Variants in ANKRD31 observed in about 807,000 individuals in gnomAD.
The protein encoded by ANKRD31 is ankyrin repeat domain-containing protein 31.
Under a neutral mutation model 186.0 loss-of-function variants are expected in ANKRD31, and 147 were observed. The observed-to-expected ratio is 0.79, with a 90% CI of 0.69 to 0.91. The LOEUF is 0.91. ANKRD31 is among the 40% of genes least tolerant of loss of function. The pLI is 0.00. For synonymous variants in ANKRD31, 673 were observed against 736.4 expected (o/e 0.91, Z 1.39); for missense variants, 1,986 against 2,148.8 (o/e 0.92, Z 1.50).
At position 75,104,239 on chromosome 5, in the gene ANKRD31, AT is replaced by A; in HGVS notation, c.5319del (p.Glu1773AspfsTer15). On this transcript the variant is annotated frameshift_variant, in exon 22 of 26. Coordinates refer to ENST00000506364, the MANE Select transcript of ANKRD31 (RefSeq NM_001372053.1). LOFTEE classifies it high-confidence loss of function. ...GRINPGNNIL[E>X]FKTQETTHKA... is the part of the protein sequence containing the mutation. ...AAAATATAGAATACCTGTGTTTTGA[AT>A]TCCAGAATGTTATTTCCTGGGTTAA... 4.0e-6 allele frequency: 6 copies of A among 1,501,816 alleles called. No individual in the cohort carries two copies. Among genetic ancestry groups the A allele is most frequent in the Non-Finnish European group, 5.3e-6 (6 of 1,130,732 alleles). The allele number at this position is 1,501,816 out of a possible 1,614,324, so 93.0% of individuals were successfully genotyped here.
At chr5:75,125,715 T>C (rs1453578175) in intron 17 of ANKRD31, among the ~76,000 whole-genome samples, 1 of 152,164 alleles carries the variant, frequency 6.6e-6, no homozygotes, top group Non-Finnish European at 1.5e-5. Flanking sequence ...ACTGGGACCC[T>C]GGATAGTGTT....
At chr5:75,082,453 G>A (rs2150015696) in intron 24 of ANKRD31, among the ~76,000 whole-genome samples, 1 of 152,308 alleles carries the variant, frequency 6.6e-6, no homozygotes, top group East Asian at 1.9e-4. Context: ...AAAAAGAGGG[G>A]ATGCTGTAGC....
chr5:75,121,180 T>TA (rs369698514), intron 17 of ANKRD31, among the ~76,000 whole-genome samples: 19,054 of 124,294 alleles, frequency 0.15, 1,460 homozygotes, highest in Non-Finnish European at 0.2. Context: ...AGACTCTATA[T>TA]AAAAAAAAAA....
intron 25 of ANKRD31, among the ~76,000 whole-genome samples, chr5:75,070,724 T>G (rs1185348464): frequency 6.6e-6 from 1 of 152,234 alleles, no homozygotes; most frequent in Non-Finnish European, 1.5e-5. Context: ...TCTTCCTGAT[T>G]AGTATTTAGC....
intron 25 of ANKRD31, among the ~76,000 whole-genome samples, chr5:75,079,617 G>A (rs1344963808): frequency 1.3e-5 from 2 of 152,094 alleles, no homozygotes; most frequent in East Asian, 3.9e-4. Flanking sequence ...TGGGATTACA[G>A]GCATCTGCCA....
chr5:75,224,455 G>A (rs2150312222), intron 2 of ANKRD31, among the ~76,000 whole-genome samples: 2 of 151,572 alleles, frequency 1.3e-5, no homozygotes, highest in African/African-American at 2.4e-5. Context: ...TAGTCTAATA[G>A]GTCAATGAAA....
In ANKRD31 at chr5:75,118,392, T is replaced by C. The variant is rs929269170; in HGVS notation, c.3877-95A>G. 7.7e-6 allele frequency: 9 copies of C among 1,163,612 alleles called. No homozygotes were observed. The African/African-American group carries it at 1.3e-4, about 17-fold the overall frequency. The allele number at this position is 1,163,612 out of a possible 1,614,324, so 72.1% of individuals were successfully genotyped here. On this transcript the variant is annotated intron_variant, in intron 17 of 25. Transcript: ENST00000506364. ...CACCACTGCCAAGCATTAAAAGCTA[T>C]CAAAAGAATGTTTTCAAACTCAGGT...
rs1429903141 is a variant in ANKRD31, at chr5:75,068,633, T to G, written c.5679A>C (p.Pro1893=). 1.6e-5 allele frequency: 25 copies of G among 1,520,940 alleles called. No individual in the cohort carries two copies. Among genetic ancestry groups the G allele is most frequent in the Admixed American group, 2.1e-5 (1 of 48,302 alleles). 94.2% of individuals were successfully genotyped at this position (1,520,940 alleles called of 1,614,324 possible). The change falls in exon 26 of 26, where the codon CCA becomes CCC. Residue 1893 remains proline (P), a synonymous_variant. Transcript: ENST00000506364. ...GTATTTCATTTATTTGTAGATAACG[T>G]GGGCTGCTTTGCATTGACTCTCTGG... ...GTSRESMQSS[P]RYLQINEILL...
At chr5:75,168,127 T>C (rs1481449080) in intron 11 of ANKRD31, among the ~76,000 whole-genome samples, 1 of 152,150 alleles carries the variant, frequency 6.6e-6, no homozygotes, top group Non-Finnish European at 1.5e-5. Flanking sequence ...AAAAACTGCC[T>C]AAACCCTTCT....
chr5:75,123,266 C>T (rs1748942100), intron 17 of ANKRD31, among the ~76,000 whole-genome samples: 1 of 151,480 alleles, frequency 6.6e-6, no homozygotes, highest in African/African-American at 2.4e-5. Flanking sequence ...AAGAAAAATA[C>T]AACACGGATG....
chr5:75,108,308 A>C (rs1197629811), intron 20 of ANKRD31, among the ~76,000 whole-genome samples: 1 of 152,012 alleles, frequency 6.6e-6, no homozygotes, highest in Non-Finnish European at 1.5e-5. Flanking sequence ...TCACCTATAG[A>C]TCTTACAAAC....
intron 10 of ANKRD31, among the ~76,000 whole-genome samples, chr5:75,179,108 C>A (rs987322423): frequency 1.2e-4 from 19 of 152,158 alleles, no homozygotes; most frequent in Admixed American, 4.6e-4. Context: ...ATAAACACCT[C>A]TATGCAAATA....
chr5:75,177,757 T>C (rs757781902), intron 10 of ANKRD31, among the ~76,000 whole-genome samples: 4 of 152,060 alleles, frequency 2.6e-5, no homozygotes, highest in Non-Finnish European at 5.9e-5. Context: ...AAGGAACAAC[T>C]GGTACCAGCC....
rs1333470674 is a variant in ANKRD31, at chr5:75,193,376, C to A, written c.1233G>T (p.Lys411Asn). 6.5e-7 allele frequency: 1 copy of A among 1,536,912 alleles called. No homozygotes were observed. The change falls in exon 8 of 26, where the codon AAG (lysine) becomes AAT (asparagine). Residue 411 changes from lysine to asparagine, a missense_variant. Lys to Asn is a moderately conservative substitution (Grantham distance 94). Transcript: ENST00000506364. ...YSDHMYKMPE[K>N]ILPKILGCED... Reference sequence around the variant, plus strand: ...CACAGCCAAGGATTTTTGGTAAAATCTTTTCTGGCATCTTATACATGTGAT... The same window carrying A: ...CACAGCCAAGGATTTTTGGTAAAATATTTTCTGGCATCTTATACATGTGAT...
intron 25 of ANKRD31, among the ~76,000 whole-genome samples, chr5:75,077,065 A>G (rs1158281364): frequency 1.3e-5 from 2 of 152,174 alleles, no homozygotes; most frequent in African/African-American, 4.8e-5. Context: ...AGTATTACAT[A>G]ATTTGCTATT....
intron 20 of ANKRD31, among the ~76,000 whole-genome samples, chr5:75,111,776 C>T (rs1212115247): frequency 6.6e-6 from 1 of 152,146 alleles, no homozygotes; most frequent in Non-Finnish European, 1.5e-5. Flanking sequence ...TGATCAAAGT[C>T]TAATTTGCTA....
At chr5:75,101,019 C>T (rs553954597) in intron 22 of ANKRD31, among the ~76,000 whole-genome samples, 1 of 152,148 alleles carries the variant, frequency 6.6e-6, no homozygotes, top group African/African-American at 2.4e-5. Flanking sequence ...TTCCTAGCAT[C>T]GACGGTCTTT....
chr5:75,154,127 T>A (rs1177638149), intron 12 of ANKRD31, 74 bp downstream of exon 12: 1 of 1,266,104 alleles, frequency 7.9e-7, no homozygotes, highest in African/African-American at 1.5e-5. Context: ...AAATTTAATT[T>A]CTTTAATTCT....
rs529154048 is a variant in ANKRD31 at position 75,074,295 on chromosome 5, C to A, written c.5648-5631G>T. Reference sequence around the variant, plus strand: ...GGAAGAAAAAGAAAGATCATCCTTACAACACACTTGTTCTCATCATCTTAA... The same window carrying A: ...GGAAGAAAAAGAAAGATCATCCTTAAAACACACTTGTTCTCATCATCTTAA... On this transcript the variant is annotated intron_variant, in intron 25 of 25. Coordinates refer to ENST00000506364, the MANE Select transcript of ANKRD31 (RefSeq NM_001372053.1). Among the ~76,000 whole-genome samples, 18 of 152,318 alleles carry A rather than the reference C, an allele frequency of 1.2e-4. No homozygotes were observed. The South Asian group carries it at 3.7e-3, about 32-fold the overall frequency.
Sources: allele counts gnomAD v4.1 joint callset (sites outside exome capture counted in the v4.1 genomes callset), GRCh38; gene constraint gnomAD v4.1.1; transcripts MANE v1.5; gene names NCBI Gene and HGNC (gene_info 2026-07-23, HGNC 2026-07-21).